The following DNAH8 variants were observed in gnomAD, a reference collection of about 807,000 sequenced individuals.
The protein encoded by DNAH8 is dynein axonemal heavy chain 8.
DNAH8 carries 382 observed loss-of-function variants against 562.1 expected under a neutral mutation model. The observed-to-expected ratio is 0.68, with a 90% CI of 0.63 to 0.74. The LOEUF is 0.74. DNAH8 is among the 30% of genes least tolerant of loss of function. The pLI is 0.00. For synonymous variants in DNAH8, 1,881 were observed against 1,919.4 expected, an observed-to-expected ratio of 0.98 and a Z score of 0.52; for missense variants, 5,203 against 5,620.4, an observed-to-expected ratio of 0.93 and a Z score of 2.37.
Position 38,823,595 on chromosome 6 carries a change from A to G in DNAH8, c.3754A>G (p.Ile1252Val). The change falls in exon 28 of 93, where the codon ATC (isoleucine) becomes GTC (valine). Residue 1252 changes from isoleucine (I) to valine (V), a missense_variant. Around this residue, in one of 6 missense-constraint regions of DNAH8, gnomAD observed 2,176 missense variants for 2,365.1 expected, o/e 0.92. Coordinates refer to ENST00000327475, the MANE Select transcript of DNAH8 (RefSeq NM_001206927.2). ...GGCTAACAACCCCTCTCTGACTGAAATCAGATCAGAAATTCTACACTATGC... is the reference window on the plus strand; with the variant it reads ...GGCTAACAACCCCTCTCTGACTGAAGTCAGATCAGAAATTCTACACTATGC... Reference protein sequence around the residue: ...FLANNPSLTEIRSEILHYATF... With the variant: ...FLANNPSLTEVRSEILHYATF... The G allele has an allele frequency of 6.2e-7, 1 of 1,609,654 alleles. No homozygotes were observed. Among genetic ancestry groups the G allele is most frequent in the Non-Finnish European group, 8.5e-7 (1 of 1,176,310 alleles).
intron 76 of DNAH8, among the ~76,000 whole-genome samples, chr6:38,935,233 T>C: frequency 6.6e-6 from 1 of 152,178 alleles, no homozygotes; most frequent in Non-Finnish European, 1.5e-5. Context: ...CAAATAAAGA[T>C]AGCATTTCTT....
intron 88 of DNAH8, among the ~76,000 whole-genome samples, chr6:38,995,072 T>TC (rs1765048986): frequency 6.6e-6 from 1 of 151,624 alleles, no homozygotes; most frequent in Non-Finnish European, 1.5e-5. Context: ...TTTTTTTTTT[T>TC]CTGAGCTTGT....
intron 53 of DNAH8, among the ~76,000 whole-genome samples, chr6:38,876,175 A>T (rs951827530): frequency 6.6e-6 from 1 of 152,238 alleles, no homozygotes; most frequent in Non-Finnish European, 1.5e-5. Flanking sequence ...GCTAATACAC[A>T]TAACGGATCA....
In DNAH8 at chr6:38,917,457, A is replaced by C. The variant is rs1432526365; in HGVS notation, c.10308+51A>C. 2.7e-6 allele frequency: 4 copies of C among 1,469,402 alleles called. No individual in the cohort carries two copies. In the East Asian group the frequency reaches 9.1e-5, roughly 33 times the overall value. The allele number at this position is 1,469,402 out of a possible 1,614,324, so 91.0% of individuals were successfully genotyped here. On this transcript the variant is annotated intron_variant, in intron 69 of 92. Coordinates refer to ENST00000327475, the MANE Select transcript of DNAH8 (RefSeq NM_001206927.2). The stretch of plus-strand genomic sequence containing the variant: ...CCTATGAGCTGCATCAGGCGTCCTC[A>C]GCCCAGGACACTCAATATAGACCAG...
intron 33 of DNAH8, 34 bp from the exon 34 acceptor site, chr6:38,842,334 C>G: frequency 1.3e-6 from 2 of 1,550,788 alleles, no homozygotes; most frequent in Non-Finnish European, 1.8e-6. Context: ...AAATATTATA[C>G]ATGATGTGAT....
Position 38,898,282 on chromosome 6 carries a change from GA to G in DNAH8, c.8970del (p.Lys2990AsnfsTer27), listed in dbSNP as rs775038604. ...ELMPSFDFLA[E>X]KLQFYQRQFN... is the part of the protein sequence containing the mutation. ...GATGCCATCCTTTGACTTTCTGGCTGAAAAACTCCAGTTTTACCAGAGACAG... is the reference window on the plus strand; with the variant it reads ...GATGCCATCCTTTGACTTTCTGGCTGAAAACTCCAGTTTTACCAGAGACAG... On this transcript the variant is annotated frameshift_variant, in exon 61 of 93. Transcript: ENST00000327475. LOFTEE classifies it high-confidence loss of function. The G allele has an allele frequency of 6.3e-7, 1 of 1,590,772 alleles. No homozygotes were observed. Among genetic ancestry groups the G allele is most frequent in the South Asian group, 1.2e-5 (1 of 84,472 alleles).
At chr6:38,821,953 C>G (rs1772891126) in intron 26 of DNAH8, among the ~76,000 whole-genome samples, 1 of 152,190 alleles carries the variant, frequency 6.6e-6, no homozygotes, top group African/African-American at 2.4e-5. Flanking sequence ...TCCTGTCAGC[C>G]TGGCCACAAT....
intron 44 of DNAH8, 130 bp from the exon 45 acceptor site, chr6:38,863,743 A>G (rs374095079): frequency 2.3e-5 from 15 of 660,222 alleles, no homozygotes; most frequent in Middle Eastern, 3.2e-4. Flanking sequence ...GTATTTATCA[A>G]CAGCCAGATA....
At chr6:38,939,654 G>T (rs1490654802) in intron 79 of DNAH8, among the ~76,000 whole-genome samples, 1 of 152,190 alleles carries the variant, frequency 6.6e-6, no homozygotes, top group Non-Finnish European at 1.5e-5. Flanking sequence ...TAAAAGGAGG[G>T]AAAGATTACA....
chr6:38,863,658 G>A (rs1583213282), intron 44 of DNAH8, among the ~76,000 whole-genome samples: 1 of 152,096 alleles, frequency 6.6e-6, no homozygotes, highest in African/African-American at 2.4e-5. Flanking sequence ...TTTCATCTTA[G>A]CAGTGTACTG....
chr6:38,847,886 G>A (rs1332449253), intron 36 of DNAH8, among the ~76,000 whole-genome samples: 1 of 152,110 alleles, frequency 6.6e-6, no homozygotes, highest in African/African-American at 2.4e-5. Context: ...TGGACCCCTT[G>A]TATTCTCATA....
intron 15 of DNAH8, among the ~76,000 whole-genome samples, chr6:38,780,460 C>T (rs1768469927): frequency 2.0e-5 from 3 of 151,898 alleles, no homozygotes. Flanking sequence ...CAATGGTAGA[C>T]TGGGTAAAGA....
In DNAH8 at chr6:38,723,443, T is replaced by A. The variant is rs374691452; in HGVS notation, c.497T>A (p.Val166Asp). 14 of 1,609,318 alleles carry A rather than the reference T, an allele frequency of 8.7e-6. No individual in the cohort carries two copies. Among genetic ancestry groups the A allele is most frequent in the Non-Finnish European group, 1.2e-5 (14 of 1,179,256 alleles). The change falls in exon 3 of 93, where the codon GTT (valine) becomes GAT (aspartate). Residue 166 changes from valine to aspartate, a missense_variant. By Grantham distance (152) the Val-to-Asp change is radical. Around this residue, in one of 6 missense-constraint regions of DNAH8, gnomAD observed 556 missense variants for 496.9 expected, o/e 1.12. Coordinates refer to ENST00000327475, the MANE Select transcript of DNAH8 (RefSeq NM_001206927.2). Reference sequence around the variant, plus strand: ...AATCTTGGCCTGGACATAGTAACTGTTGAAGAATTAATTTTGGATTGCCCA... The same window carrying A: ...AATCTTGGCCTGGACATAGTAACTGATGAAGAATTAATTTTGGATTGCCCA... ...AENLGLDIVT[V>D]EELILDCPSL...
At chr6:38,808,729 G>A (rs1263300133) in intron 24 of DNAH8, among the ~76,000 whole-genome samples, 2 of 152,174 alleles carry the variant, frequency 1.3e-5, no homozygotes, top group African/African-American at 2.4e-5. Context: ...AGAAAATGTG[G>A]CACATATATA....
chr6:38,732,705 A>T (rs1225053570), intron 4 of DNAH8, among the ~76,000 whole-genome samples: 1 of 152,044 alleles, frequency 6.6e-6, no homozygotes, highest in South Asian at 2.1e-4. Flanking sequence ...ATGTGTATTC[A>T]TTCAAGGTTT....
chr6:38,740,236 A>C (rs1764417577), intron 7 of DNAH8, among the ~76,000 whole-genome samples: 1 of 152,180 alleles, frequency 6.6e-6, no homozygotes, highest in African/African-American at 2.4e-5. Flanking sequence ...AGTATCATGA[A>C]AAACCCTATT....
rs149356438 is a variant in DNAH8, at chr6:38,937,990, C to G, written c.11580C>G (p.Asp3860Glu). ...GAATTTCAGGCTCATTGGTAGATGACGAATCTCTCATTGGTGTACTTCGAA... is the reference window on the plus strand; with the variant it reads ...GAATTTCAGGCTCATTGGTAGATGAGGAATCTCTCATTGGTGTACTTCGAA... ...LSATKGSLVD[D>E]ESLIGVLRTT... Residue 3860 changes from aspartate (D) to glutamate (E), a missense_variant, in exon 78 of 93, where the codon GAC (aspartate) becomes GAG (glutamate). Coordinates refer to ENST00000327475, the MANE Select transcript of DNAH8 (RefSeq NM_001206927.2). 1.2e-6 allele frequency: 2 copies of G among 1,613,464 alleles called. No individual in the cohort carries two copies. The highest frequency in any genetic ancestry group is 1.1e-5 in the South Asian group (1 of 91,050).
intron 65 of DNAH8, 151 bp downstream of exon 65, chr6:38,909,895 T>G: frequency 1.4e-6 from 1 of 716,730 alleles, no homozygotes; most frequent in Middle Eastern, 2.6e-4. Flanking sequence ...CTAGTGACTA[T>G]GTATGAAGAG....
chr6:39,018,258 A>C (rs1249210133), intron 91 of DNAH8, among the ~76,000 whole-genome samples: 1 of 152,120 alleles, frequency 6.6e-6, no homozygotes, highest in Non-Finnish European at 1.5e-5. Flanking sequence ...TACCTTCCTT[A>C]GCAACCACCT....
Sources: allele counts gnomAD v4.1 joint callset (sites outside exome capture counted in the v4.1 genomes callset), GRCh38; gene constraint gnomAD v4.1.1; regional missense constraint gnomAD v4.1.1; transcripts MANE v1.5; gene names NCBI Gene and HGNC (gene_info 2026-07-23, HGNC 2026-07-21).